Variants in C2CD3 observed in about 807,000 individuals in gnomAD.
The protein encoded by C2CD3 is C2 domain-containing protein 3.
In C2CD3, 148 loss-of-function variants were observed where a neutral mutation model predicts 234.0. The ratio of observed to expected loss-of-function variants is 0.63; its 90% CI spans 0.55 to 0.72. C2CD3 has a LOEUF of 0.72. C2CD3 is among the 30% of genes least tolerant of loss of function. C2CD3 has a pLI of 0.00. For synonymous variants in C2CD3, 1,000 were observed against 1,035.4 expected (o/e 0.97, Z 0.66); for missense variants, 2,577 against 2,811.5 (o/e 0.92, Z 1.89).
Position 74,103,156 on chromosome 11 carries a change from G to A in C2CD3, c.2555C>T (p.Thr852Ile), listed in dbSNP as rs974615821. 7.4e-6 allele frequency: 12 copies of A among 1,613,618 alleles called. No homozygotes were observed. Among genetic ancestry groups the A allele is most frequent in the Non-Finnish European group, 8.5e-6 (10 of 1,179,538 alleles). ...VTRSVIAWGT[T>I]QPVFNFSQVI... ...CTGAGAAAAGTTAAAGACCGGTTGT[G>A]TTGTGCCCCATGCGATGACAGATCT... Residue 852 changes from threonine (T) to isoleucine (I), a missense_variant, in exon 14 of 33, where the codon ACA becomes ATA. Thr to Ile is a moderately conservative substitution (Grantham distance 89). Transcript: ENST00000334126.
At chr11:74,079,716 G>A (rs1172474264) in intron 22 of C2CD3, among the ~76,000 whole-genome samples, 2 of 151,984 alleles carry the variant, frequency 1.3e-5, no homozygotes, top group Non-Finnish European at 2.9e-5. Flanking sequence ...TACCAAGTAA[G>A]AGAGCTAGAA....
intron 7 of C2CD3, among the ~76,000 whole-genome samples, chr11:74,131,196 G>A (rs759055848): frequency 1.3e-5 from 2 of 151,212 alleles, no homozygotes; most frequent in South Asian, 2.1e-4. Flanking sequence ...GGTGGCTCAC[G>A]CCTGTAATCC....
At chr11:74,151,347 T>C (rs1324306514) in intron 3 of C2CD3, among the ~76,000 whole-genome samples, 3 of 150,968 alleles carry the variant, frequency 2.0e-5, no homozygotes, top group Non-Finnish European at 2.9e-5. Flanking sequence ...AGACAGGGTC[T>C]CACTCCATCA....
In C2CD3 at chr11:74,132,963, G is replaced by A. The variant is rs777584004; in HGVS notation, c.1098C>T (p.Ala366=). 7 of 1,613,810 alleles carry A rather than the reference G, an allele frequency of 4.3e-6. No homozygotes were observed. In the South Asian group the frequency reaches 4.4e-5, roughly 10 times the overall value. ...DSLRASTQIR[A]FSRNRFKDHI... The stretch of plus-strand genomic sequence containing the variant: ...GGTCTTTAAACCGATTCCTAGAAAA[G>A]GCTCTGATCCTAAGGTGTGGAAAAA... Residue 366 remains alanine (A), a synonymous_variant, in exon 7 of 33, where the codon GCC becomes GCT. Coordinates refer to ENST00000334126, the MANE Select transcript of C2CD3 (RefSeq NM_001286577.2).
At chr11:74,092,095 C>G (rs7941203) in intron 19 of C2CD3, among the ~76,000 whole-genome samples, 27,217 of 151,252 alleles carry the variant, frequency 0.18, 2,648 homozygotes, top group East Asian at 0.3. Flanking sequence ...TTTTGTTGCC[C>G]AGGCTGGAGT....
chr11:74,025,955 T>A (rs981440886), intron 32 of C2CD3, among the ~76,000 whole-genome samples: 5 of 152,068 alleles, frequency 3.3e-5, no homozygotes, highest in Admixed American at 1.3e-4. Context: ...GATGGGTGTG[T>A]GTGGGAAATG....
intron 32 of C2CD3, among the ~76,000 whole-genome samples, chr11:74,018,879 T>C (rs1247011549): frequency 2.6e-5 from 4 of 152,074 alleles, no homozygotes; most frequent in Admixed American, 1.3e-4. Context: ...TCTGGTCATG[T>C]GGTTCTTATT....
Position 74,113,766 on chromosome 11 carries a change from AGT to A in C2CD3, c.1843+12_1843+13del, listed in dbSNP as rs772621732. ...CAGAATGTCTAAGGTGCAGAAAACC[AGT>A]GTGTCTCTTACTTCCATCTGTAATT... On this transcript the variant is annotated intron_variant, in intron 11 of 32. Coordinates refer to ENST00000334126, the MANE Select transcript of C2CD3 (RefSeq NM_001286577.2). 2.0e-5 allele frequency: 28 copies of A among 1,425,380 alleles called. No individual in the cohort carries two copies. The highest frequency in any genetic ancestry group is 2.7e-5 in the Non-Finnish European group (27 of 1,008,218). The allele number at this position is 1,425,380 out of a possible 1,614,324, so 88.3% of individuals were successfully genotyped here.
intron 32 of C2CD3, among the ~76,000 whole-genome samples, chr11:74,025,417 G>A (rs1202013386): frequency 1.3e-5 from 2 of 152,114 alleles, no homozygotes; most frequent in Non-Finnish European, 2.9e-5. Flanking sequence ...CCAACATGGT[G>A]AAACCCTGTC....
chr11:74,166,920 CCT>C (rs1856850481), intron 2 of C2CD3, among the ~76,000 whole-genome samples: 2 of 152,096 alleles, frequency 1.3e-5, no homozygotes, highest in Non-Finnish European at 2.9e-5. Flanking sequence ...AAACTGGGGC[CCT>C]GAGATGCTAA....
intron 2 of C2CD3, among the ~76,000 whole-genome samples, chr11:74,164,531 T>C (rs1202197369): frequency 1.3e-5 from 2 of 152,174 alleles, no homozygotes; most frequent in Non-Finnish European, 2.9e-5. Context: ...TTTTAACTCT[T>C]TGAACCTCAA....
At chr11:74,056,583 G>A (rs1953957942) in intron 25 of C2CD3, among the ~76,000 whole-genome samples, 2 of 152,326 alleles carry the variant, frequency 1.3e-5, no homozygotes, top group South Asian at 2.1e-4. Flanking sequence ...GCTCAGAGAT[G>A]TTATGTAACT....
intron 24 of C2CD3, among the ~76,000 whole-genome samples, chr11:74,071,885 T>C (rs1466879585): frequency 6.6e-6 from 1 of 152,192 alleles, no homozygotes. Context: ...CAAGTGATAT[T>C]ATAAAACTGT....
chr11:74,056,733 G>A (rs1455226069), intron 25 of C2CD3, among the ~76,000 whole-genome samples: 2 of 152,022 alleles, frequency 1.3e-5, no homozygotes, highest in African/African-American at 4.8e-5. Flanking sequence ...AGTTCTTTTT[G>A]TTTGGAATAT....
chr11:74,024,612 T>C (rs1952217756), intron 32 of C2CD3, among the ~76,000 whole-genome samples: 1 of 152,142 alleles, frequency 6.6e-6, no homozygotes, highest in Admixed American at 6.5e-5. Context: ...TATAAGAAAA[T>C]CAGTTGATGT....
chr11:74,057,801 T>C (rs1954030302), intron 24 of C2CD3, among the ~76,000 whole-genome samples: 1 of 151,758 alleles, frequency 6.6e-6, no homozygotes, highest in Non-Finnish European at 1.5e-5. Context: ...TGAGATCCCA[T>C]GTATAAAAAA....
At chr11:74,027,774 G>A (rs998156798) in intron 32 of C2CD3, among the ~76,000 whole-genome samples, 4 of 152,230 alleles carry the variant, frequency 2.6e-5, no homozygotes, top group Non-Finnish European at 5.9e-5. Flanking sequence ...GTACTTGCAA[G>A]AAAGTTCAGG....
Position 74,170,930 on chromosome 11 carries a change from A to T in C2CD3, c.-138T>A, listed in dbSNP as rs572908280. 4.0e-6 allele frequency: 6 copies of T among 1,516,796 alleles called. No individual in the cohort carries two copies. In the South Asian group the frequency reaches 7.3e-5, roughly 19 times the overall value. 94.0% of individuals were successfully genotyped at this position (1,516,796 alleles called of 1,614,324 possible). A position where few individuals can be genotyped will look rare whatever the true frequency, so the allele number is the denominator to read the frequency against. On this transcript the variant is annotated 5_prime_UTR_variant, in exon 1 of 33. Transcript: ENST00000334126. ...GCAGCCTGGGAGGCAGGAAAAAGCG[A>T]CTCTTCCTCTAACAGTCTCCGGAAA...
intron 29 of C2CD3, among the ~76,000 whole-genome samples, chr11:74,040,111 T>A (rs1437242755): frequency 2.0e-5 from 3 of 152,230 alleles, no homozygotes; most frequent in East Asian, 3.9e-4. Flanking sequence ...TGAGCTTTAC[T>A]TCTGAGCTCC....
Sources: gnomAD v4.1 joint callset for allele counts (sites outside exome capture counted in the v4.1 genomes callset) on GRCh38, gnomAD v4.1.1 for gene constraint, MANE v1.5 for transcripts, NCBI Gene and HGNC (gene_info 2026-07-23, HGNC 2026-07-21) for gene names.